Variants in FAM219A observed in about 807,000 individuals in gnomAD.
The protein encoded by FAM219A is family with sequence similarity 219 member A.
FAM219A carries 7 observed loss-of-function variants against 23.4 expected under a neutral mutation model. The ratio of observed to expected loss-of-function variants is 0.30; its 90% CI spans 0.17 to 0.56. The LOEUF is 0.56. Among genes scored for constraint, FAM219A ranks in the 20% least tolerant of loss-of-function variants. The probability of loss-of-function intolerance (pLI) is 0.92; values close to 1 mark genes in which losing one functional copy is unlikely to be tolerated. For synonymous variants in FAM219A, 93 were observed against 99.0 expected (o/e 0.94, Z 0.36); for missense variants, 166 against 246.9 (o/e 0.67, Z 2.20).
At chr9:34,456,017 AC>A (rs1358456409) in intron 1 of FAM219A, among the ~76,000 whole-genome samples, 1 of 152,094 alleles carries the variant, frequency 6.6e-6, no homozygotes, top group East Asian at 1.9e-4. Flanking sequence ...ACATGGCGAA[AC>A]CCTGTCTCTA....
chr9:34,401,055 T>A lies in FAM219A; in HGVS notation c.467A>T (p.Asp156Val). The A allele has an allele frequency of 6.2e-7, 1 of 1,612,338 alleles. No homozygotes were observed. Among genetic ancestry groups the A allele is most frequent in the Non-Finnish European group, 8.5e-7 (1 of 1,179,076 alleles). The change falls in exon 6 of 6, where the codon GAC becomes GTC. Residue 156 changes from aspartate (D) to valine (V), a missense_variant. Physicochemically the swap from Asp to Val is radical, Grantham distance 152 (BLOSUM62 -3). This residue lies in a region of FAM219A where 72 missense variants were observed against 131.0 expected (regional missense o/e 0.55). Coordinates refer to ENST00000651358, the MANE Select transcript of FAM219A (RefSeq NM_001184940.2). ...GGGGGGGATGAGGTCTAGGTCCTCGTCGTCGGGGATCTCATCTAACCGGTA... is the reference window on the plus strand; with the variant it reads ...GGGGGGGATGAGGTCTAGGTCCTCGACGTCGGGGATCTCATCTAACCGGTA... Reference protein sequence around the residue: ...DGYRLDEIPDDEDLDLIPPKS... With the variant: ...DGYRLDEIPDVEDLDLIPPKS...
intron 1 of FAM219A, among the ~76,000 whole-genome samples, chr9:34,445,617 C>T (rs1823340488): frequency 6.6e-6 from 1 of 152,142 alleles, no homozygotes; most frequent in Admixed American, 6.5e-5. Context: ...GTATGGCCAG[C>T]TTTGAGGGGT....
At chr9:34,438,482 G>A (rs915802512) in intron 1 of FAM219A, among the ~76,000 whole-genome samples, 2 of 152,142 alleles carry the variant, frequency 1.3e-5, no homozygotes, top group Admixed American at 6.5e-5. Flanking sequence ...AGCACCCTGT[G>A]TCTAGCTCAG....
At chr9:34,410,089 T>C (rs563281816) in intron 1 of FAM219A, among the ~76,000 whole-genome samples, 1 of 152,288 alleles carries the variant, frequency 6.6e-6, no homozygotes, top group South Asian at 2.1e-4. Context: ...TTTCAAAGCA[T>C]GCAGGGAGGG....
At position 34,458,346 on chromosome 9, in the gene FAM219A, C is replaced by G; in HGVS notation, c.-83G>C. The G allele has an allele frequency of 2.8e-6, 3 of 1,081,054 alleles. No individual in the cohort carries two copies. The highest frequency in any genetic ancestry group is 1.7e-5 in the African/African-American group (1 of 59,994). 67.0% of individuals were successfully genotyped at this position (1,081,054 alleles called of 1,614,324 possible). A position where few individuals can be genotyped will look rare whatever the true frequency, so the allele number is the denominator to read the frequency against. On this transcript the variant is annotated 5_prime_UTR_variant, in exon 1 of 6. Transcript: ENST00000651358. The surrounding 1 kb of genome is among the most constrained non-coding windows in gnomAD (Gnocchi z 6.6). The stretch of plus-strand genomic sequence containing the variant: ...GCGCGGGGCGGCGGCCCCAGGAGCC[C>G]GGCGGGTGGTGCAGACTAGGCCTCC...
chr9:34,405,683 G>C (rs72733170), intron 2 of FAM219A, among the ~76,000 whole-genome samples, 182 bp downstream of exon 2: 9,263 of 152,288 alleles, frequency 0.061, 391 homozygotes, highest in South Asian at 0.096. Context: ...GGCTCCTGCA[G>C]AGAACTGTAA....
intron 1 of FAM219A, among the ~76,000 whole-genome samples, chr9:34,449,170 C>T (rs1481716400): frequency 6.6e-6 from 1 of 151,792 alleles, no homozygotes; most frequent in Non-Finnish European, 1.5e-5. Flanking sequence ...CCCATCTCTA[C>T]CAGAAAAAAA....
intron 4 of FAM219A, among the ~76,000 whole-genome samples, chr9:34,402,059 AG>A (rs1434832744): frequency 8.6e-5 from 13 of 151,056 alleles, no homozygotes; most frequent in African/African-American, 2.9e-4. Context: ...TCCAGGGAGT[AG>A]GGCTCCTTCC....
rs1823823362 is a variant in FAM219A, at chr9:34,458,125, T to C, written c.60+79A>G. 4 of 1,343,268 alleles carry C rather than the reference T, an allele frequency of 3.0e-6. No individual in the cohort carries two copies. The highest frequency in any genetic ancestry group is 4.9e-5 in the Admixed American group (2 of 40,678). 83.2% of individuals were successfully genotyped at this position (1,343,268 alleles called of 1,614,324 possible). A position where few individuals can be genotyped will look rare whatever the true frequency, so the allele number is the denominator to read the frequency against. On this transcript the variant is annotated intron_variant, in intron 1 of 5. Transcript: ENST00000651358. The surrounding 1 kb of genome is among the most constrained non-coding windows in gnomAD (Gnocchi z 6.6). The stretch of plus-strand genomic sequence containing the variant: ...CATCCGATGGCGCCCCTCCGCACGA[T>C]CCCCCCGGCCTGATTCCCTCCCTCC...
rs1437765606 is a variant in FAM219A at position 34,398,197 on chromosome 9, G to A, written c.*2767C>T. ...GGGAGCTGAGGCTGGCTTGTTTGAT[G>A]CTTTTAATATCATTATTTGTGTTAC... On this transcript the variant is annotated 3_prime_UTR_variant, in exon 6 of 6. Transcript: ENST00000651358. 2.0e-6 allele frequency: 3 copies of A among 1,469,614 alleles called. No individual in the cohort carries two copies. Among genetic ancestry groups the A allele is most frequent in the Non-Finnish European group, 1.9e-6 (2 of 1,075,886 alleles). The allele number at this position is 1,469,614 out of a possible 1,614,324, so 91.0% of individuals were successfully genotyped here.
At chr9:34,421,045 A>AGAGAGAGAGG (rs68047702) in intron 1 of FAM219A, among the ~76,000 whole-genome samples, 1 of 117,226 alleles carries the variant, frequency 8.5e-6, no homozygotes, top group African/African-American at 3.1e-5. Context: ...AGAGAGAGAG[A>AGAGAGAGAGG]ATGGCTCTGC....
At chr9:34,437,179 A>ACT (rs149294812) in intron 1 of FAM219A, among the ~76,000 whole-genome samples, 1,547 of 151,414 alleles carry the variant, frequency 0.01, 27 homozygotes, top group African/African-American at 0.036. Flanking sequence ...GACAAACACT[A>ACT]CTCTCTCTCT....
chr9:34,430,101 CAT>C (rs1285552143), intron 1 of FAM219A, among the ~76,000 whole-genome samples: 1 of 152,092 alleles, frequency 6.6e-6, no homozygotes, highest in African/African-American at 2.4e-5. Flanking sequence ...GAGAGCTAGA[CAT>C]GTGTGGGGGG....
chr9:34,429,099 C>T (rs754624707), intron 1 of FAM219A, among the ~76,000 whole-genome samples: 1 of 152,208 alleles, frequency 6.6e-6, no homozygotes. Flanking sequence ...TCAGTGAACA[C>T]CAAAAGTTCT....
chr9:34,433,697 C>A (rs948118553), intron 1 of FAM219A, among the ~76,000 whole-genome samples: 1 of 152,182 alleles, frequency 6.6e-6, no homozygotes, highest in Non-Finnish European at 1.5e-5. Context: ...TTTGCCCTAA[C>A]TGTCAGCCCT....
chr9:34,455,899 AAAGTATTCTCAGGCCGG>A (rs1406325261), intron 1 of FAM219A, among the ~76,000 whole-genome samples: 1 of 152,198 alleles, frequency 6.6e-6, no homozygotes, highest in African/African-American at 2.4e-5. Context: ...CAAACTCAAT[AAAGTATTCTCAGGCCGG>A]GCATAGCAGC....
At position 34,398,443 on chromosome 9, in the gene FAM219A, C is replaced by T. The variant is rs984622916; in HGVS notation, c.*2521G>A. The T allele has an allele frequency of 6.8e-7, 1 of 1,465,060 alleles. No homozygotes were observed. Among genetic ancestry groups the T allele is most frequent in the African/African-American group, 1.4e-5 (1 of 71,508 alleles). The allele number at this position is 1,465,060 out of a possible 1,614,324, so 90.8% of individuals were successfully genotyped here. On this transcript the variant is annotated 3_prime_UTR_variant, in exon 6 of 6. Transcript: ENST00000651358. ...CAAGCTAAGGCCTAGATTCTTCCCT[C>T]CAACCTCCCAGACAGGGAAGGAGGG...
chr9:34,443,417 A>C (rs1447037235), intron 1 of FAM219A, among the ~76,000 whole-genome samples: 1 of 152,118 alleles, frequency 6.6e-6, no homozygotes, highest in Admixed American at 6.5e-5. Context: ...GCCTGGCCTC[A>C]CCACAGCCCT....
intron 1 of FAM219A, among the ~76,000 whole-genome samples, chr9:34,430,132 A>C (rs1032059755): frequency 2.3e-4 from 35 of 152,126 alleles, no homozygotes; most frequent in African/African-American, 8.2e-4. Flanking sequence ...CAGCACCTGG[A>C]GGGGATAAGG....
Sources: gnomAD v4.1 joint callset for allele counts (sites outside exome capture counted in the v4.1 genomes callset) on GRCh38, gnomAD v4.1.1 for gene constraint, gnomAD v4.1.1 regional missense constraint, Gnocchi (gnomAD v3.1) non-coding constraint, MANE v1.5 for transcripts, NCBI Gene and HGNC (gene_info 2026-07-23, HGNC 2026-07-21) for gene names.